Variants in SLC12A1 observed in about 807,000 individuals in gnomAD.
SLC12A1 encodes the protein Na-K-2Cl cotransporter.
A neutral mutation model predicts 130.4 loss-of-function variants in SLC12A1; 89 were observed. The observed-to-expected ratio is 0.68, with a 90% CI of 0.58 to 0.81. The LOEUF (loss-of-function observed/expected upper bound fraction) is 0.81, where lower values mean the gene tolerates loss of function less well. Among genes scored for constraint, SLC12A1 ranks in the 40% least tolerant of loss-of-function variants. The pLI, the probability that SLC12A1 is intolerant of heterozygous loss-of-function variation, is 0.00. For missense variants in SLC12A1, 1,310 were observed against 1,336.4 expected (o/e 0.98, Z 0.31); for synonymous variants, 499 against 460.0 (o/e 1.08, Z -1.09).
chr15:48,250,766 C>T (rs1235099328), intron 14 of SLC12A1, among the ~76,000 whole-genome samples: 1 of 151,774 alleles, frequency 6.6e-6, no homozygotes, highest in East Asian at 1.9e-4. Flanking sequence ...TCTTGAAGTG[C>T]TATGTCCATC....
At chr15:48,254,513 C>T (rs998876769) in intron 15 of SLC12A1, among the ~76,000 whole-genome samples, 1 of 137,778 alleles carries the variant, frequency 7.3e-6, no homozygotes, top group African/African-American at 2.7e-5. Context: ...TTCTGTTTGT[C>T]ATCTGGGGTG....
intron 4 of SLC12A1, chr15:48,224,077 C>A (rs1389956830): frequency 6.6e-6 from 1 of 152,376 alleles, no homozygotes; most frequent in Non-Finnish European, 1.5e-5. Flanking sequence ...CACAGCCTCT[C>A]GTGGCTGACT....
At chr15:48,229,571 G>T (rs575561264) in intron 6 of SLC12A1, among the ~76,000 whole-genome samples, 2 of 152,142 alleles carry the variant, frequency 1.3e-5, no homozygotes, top group Non-Finnish European at 2.9e-5. Context: ...TATAATATGG[G>T]CTAATAATAC....
chr15:48,288,287 C>A, intron 22 of SLC12A1, 113 bp downstream of exon 22: 2 of 1,181,070 alleles, frequency 1.7e-6, no homozygotes, highest in Non-Finnish European at 2.4e-6. Context: ...TTTCTGTGTT[C>A]TCCAAAGACT....
At chr15:48,240,058 T>TCC (rs2041492560) in intron 9 of SLC12A1, among the ~76,000 whole-genome samples, 2 of 106,854 alleles carry the variant, frequency 1.9e-5, no homozygotes, top group East Asian at 3.3e-4. Flanking sequence ...TCCATATATA[T>TCC]ATATATATAT....
chr15:48,293,626 A>T (rs570309859), intron 24 of SLC12A1, among the ~76,000 whole-genome samples: 1 of 152,214 alleles, frequency 6.6e-6, no homozygotes, highest in Non-Finnish European at 1.5e-5. Context: ...TATGAGCTTA[A>T]TAACTAACTG....
At chr15:48,268,978 T>C (rs996158387) in intron 18 of SLC12A1, among the ~76,000 whole-genome samples, 5 of 152,176 alleles carry the variant, frequency 3.3e-5, no homozygotes, top group Non-Finnish European at 7.4e-5. Context: ...TTCATATGAA[T>C]TTCTTCACAT....
Position 48,226,472 on chromosome 15 carries a change from A to G in SLC12A1, c.629-4A>G. On this transcript the variant is annotated splice_polypyrimidine_tract_variant and splice_region_variant and intron_variant, in intron 4 of 26. Transcript: ENST00000380993. ...CAATATCTTCTATCTTTCATTGCTA[A>G]CAGGTCTTGGAGTTCTCATAATTCT... 1.9e-6 allele frequency: 3 copies of G among 1,548,528 alleles called. No individual in the cohort carries two copies. The highest frequency in any genetic ancestry group is 1.7e-4 in the Middle Eastern group (1 of 5,918).
intron 24 of SLC12A1, among the ~76,000 whole-genome samples, chr15:48,295,295 T>C (rs1487666355): frequency 6.6e-6 from 1 of 152,176 alleles, no homozygotes; most frequent in African/African-American, 2.4e-5. Flanking sequence ...GATTAATTTG[T>C]CCCTATATTT....
At chr15:48,260,348 TCACACACA>T (rs10673427) in intron 17 of SLC12A1, among the ~76,000 whole-genome samples, 1,445 of 144,434 alleles carry the variant, frequency 0.01, 31 homozygotes, top group African/African-American at 0.034. Flanking sequence ...TCTCTCTCTA[TCACACACA>T]CACACACACA....
At chr15:48,288,318 C>A in intron 22 of SLC12A1, 87 bp from the exon 23 acceptor site, 1 of 1,063,908 alleles carries the variant, frequency 9.4e-7, no homozygotes, top group Non-Finnish European at 1.4e-6. Context: ...TAAGAGCTAT[C>A]AATGTGGTAA....
intron 13 of SLC12A1, among the ~76,000 whole-genome samples, chr15:48,247,832 C>T (rs2041600870): frequency 6.6e-6 from 1 of 152,166 alleles, no homozygotes; most frequent in Admixed American, 6.5e-5. Flanking sequence ...GGTCCACTGA[C>T]CATCTATATC....
chr15:48,257,902 T>G (rs2041725919), intron 16 of SLC12A1, among the ~76,000 whole-genome samples: 1 of 152,224 alleles, frequency 6.6e-6, no homozygotes, highest in South Asian at 2.1e-4. Context: ...CATGGTTTTT[T>G]CCTTTCTACT....
chr15:48,299,087 AAAT>A, intron 24 of SLC12A1, 50 bp from the exon 25 acceptor site: 1 of 1,520,356 alleles, frequency 6.6e-7, no homozygotes. Flanking sequence ...AGTATCTGTG[AAAT>A]AATGAGTTAG....
rs71120609 is a variant in SLC12A1, at chr15:48,220,131, G to GTAGATAGA, written c.421-456_421-449dup. Among the ~76,000 whole-genome samples the GTAGATAGA allele has an allele frequency of 9.3e-3, 986 of 105,604 alleles. 69 individuals carry two copies. The highest frequency in any genetic ancestry group is 0.023 in the Middle Eastern group (5 of 214). The allele number at this position is 105,604 out of a possible 152,430, so 69.3% of individuals were successfully genotyped here. A position where few individuals can be genotyped will look rare whatever the true frequency, so the allele number is the denominator to read the frequency against. The stretch of plus-strand genomic sequence containing the variant: ...CTCAAAAAAAAAAAAAAAAAAAAAG[G>GTAGATAGA]TAGATAGATAGATAGATAGATAGAT... On this transcript the variant is annotated intron_variant, in intron 2 of 26. Transcript: ENST00000380993.
Position 48,288,431 on chromosome 15 carries a change from T to A in SLC12A1, c.2788T>A (p.Leu930Ile), listed in dbSNP as rs1184028605. The A allele has an allele frequency of 6.5e-7, 1 of 1,540,684 alleles. No homozygotes were observed. ...GTTAACACTTCTTATCCCCTATATC[T>A]TAACTCTCAGAAAAAAATGGAAAGA... ...GGLTLLIPYILTLRKKWKDCK... is the reference protein window; with the variant it reads ...GGLTLLIPYIITLRKKWKDCK... The change falls in exon 23 of 27, where the codon TTA becomes ATA. Residue 930 changes from leucine to isoleucine, a missense_variant. By Grantham distance (5) the Leu-to-Ile change is conservative. Coordinates refer to ENST00000380993, the MANE Select transcript of SLC12A1 (RefSeq NM_000338.3).
At chr15:48,235,071 TAG>T in intron 9 of SLC12A1, 67 bp downstream of exon 9, 1 of 1,499,226 alleles carries the variant, frequency 6.7e-7, no homozygotes, top group Non-Finnish European at 9.3e-7. Context: ...CACAAGGAGC[TAG>T]AGAGGTTAGA....
intron 17 of SLC12A1, among the ~76,000 whole-genome samples, chr15:48,260,864 T>C: frequency 6.6e-6 from 1 of 152,230 alleles, no homozygotes; most frequent in East Asian, 1.9e-4. Flanking sequence ...CACTTGGCAA[T>C]ATTCTAAATG....
intron 2 of SLC12A1, 24 bp downstream of exon 2, chr15:48,208,163 G>A (rs1164615952): frequency 6.5e-7 from 1 of 1,543,852 alleles, no homozygotes. Context: ...ACACAAGCAA[G>A]TCTCCTCCCT....
Sources: gnomAD v4.1 joint callset for allele counts (sites outside exome capture counted in the v4.1 genomes callset) on GRCh38, gnomAD v4.1.1 for gene constraint, MANE v1.5 for transcripts, NCBI Gene and HGNC (gene_info 2026-07-23, HGNC 2026-07-21) for gene names.